Variants in BAIAP2 observed in about 807,000 individuals in gnomAD.
The protein encoded by BAIAP2 is BAR/IMD domain containing adaptor protein 2.
Under a neutral mutation model 63.0 loss-of-function variants are expected in BAIAP2, and 18 were observed. The ratio of observed to expected loss-of-function variants is 0.29; its 90% CI spans 0.20 to 0.42. BAIAP2 has a LOEUF of 0.42. Among genes scored for constraint, BAIAP2 ranks in the 10% least tolerant of loss-of-function variants. The pLI is 1.00. For missense variants in BAIAP2, 610 were observed against 734.3 expected, an observed-to-expected ratio of 0.83 and a Z score of 1.96; for synonymous variants, 386 against 307.6, an observed-to-expected ratio of 1.25 and a Z score of -2.67.
At position 81,068,673 on chromosome 17, in the gene BAIAP2, G is replaced by A. The variant is rs535639793; in HGVS notation, c.217+10706G>A. Among the ~76,000 whole-genome samples, 229 of 152,326 alleles carry A rather than the reference G, an allele frequency of 1.5e-3. 2 individuals carry two copies. Among genetic ancestry groups the A allele is most frequent in the African/African-American group, 5.3e-3 (219 of 41,592 alleles). ...TGTCCCCGCTTCCCTGCCCTGGGGA[G>A]GGTGCCCCCAAGCCTGGTACTGCAG... On this transcript the variant is annotated intron_variant, in intron 3 of 13. Coordinates refer to ENST00000428708, the MANE Select transcript of BAIAP2 (RefSeq NM_001144888.2).
In BAIAP2 at chr17:81,109,192, C is replaced by G. The variant is rs532395607; in HGVS notation, c.1535+683C>G. The stretch of plus-strand genomic sequence containing the variant: ...CATGGTGCTGCTCCATCCGCCCCCC[C>G]TCCCCTGTGTTTACGCGCCCCATCC... On this transcript the variant is annotated intron_variant, in intron 13 of 13. Coordinates refer to ENST00000428708, the MANE Select transcript of BAIAP2 (RefSeq NM_001144888.2). The G allele has an allele frequency of 6.4e-6, 9 of 1,407,132 alleles. No individual in the cohort carries two copies. In the Admixed American group the frequency reaches 1.3e-4, roughly 21 times the overall value. The allele number at this position is 1,407,132 out of a possible 1,614,324, so 87.2% of individuals were successfully genotyped here.
In BAIAP2 at chr17:81,099,943, A is replaced by G; in HGVS notation, c.505A>G (p.Ser169Gly). The G allele has an allele frequency of 1.2e-6, 2 of 1,613,328 alleles. No homozygotes were observed. The highest frequency in any genetic ancestry group is 1.7e-6 in the Non-Finnish European group (2 of 1,179,828). Residue 169 changes from serine to glycine, a missense_variant, in exon 7 of 14, where the codon AGC becomes GGC. Around this residue, in one of 5 missense-constraint regions of BAIAP2, gnomAD observed 389 missense variants for 455.6 expected, o/e 0.85. Coordinates refer to ENST00000428708, the MANE Select transcript of BAIAP2 (RefSeq NM_001144888.2). ...DKELQYIDAISNKQGELENYV... is the reference protein window; with the variant it reads ...DKELQYIDAIGNKQGELENYV... ...CCCTCCACAGTACATCGACGCCATCAGCAACAAGCAGGGCGAGCTGGAGAA... is the reference window on the plus strand; with the variant it reads ...CCCTCCACAGTACATCGACGCCATCGGCAACAAGCAGGGCGAGCTGGAGAA...
At chr17:81,106,273 C>A in intron 11 of BAIAP2, 127 bp downstream of exon 11, 3 of 988,784 alleles carry the variant, frequency 3.0e-6, no homozygotes, top group South Asian at 1.6e-5. Flanking sequence ...GCAGGGCCAT[C>A]CCCAGTGGCC....
At chr17:81,053,441 C>A (rs1027324802) in intron 1 of BAIAP2, 1 of 569,564 alleles carries the variant, frequency 1.8e-6, no homozygotes, top group Non-Finnish European at 3.1e-6. Context: ...TTTCTTCTTA[C>A]CCCCTTTGCA....
chr17:81,104,938 G>A, intron 10 of BAIAP2: 1 of 543,454 alleles, frequency 1.8e-6, no homozygotes, highest in Non-Finnish European at 3.3e-6. Flanking sequence ...CCACCTCCCT[G>A]CAGGGGTCTT....
intron 3 of BAIAP2, among the ~76,000 whole-genome samples, chr17:81,063,134 A>G (rs2050878130): frequency 6.6e-6 from 1 of 152,010 alleles, no homozygotes; most frequent in Non-Finnish European, 1.5e-5. Context: ...GAGAGGGGCA[A>G]AGGGTGTGTC....
Position 81,100,054 on chromosome 17 carries a change from A to C in BAIAP2, c.616A>C (p.Lys206Gln). 1 of 1,611,884 alleles carries C rather than the reference A, an allele frequency of 6.2e-7. No individual in the cohort carries two copies. Among genetic ancestry groups the C allele is most frequent in the Non-Finnish European group, 8.5e-7 (1 of 1,179,710 alleles). The change falls in exon 7 of 14, where the codon AAG (lysine) becomes CAG (glutamine). Residue 206 changes from lysine (K) to glutamine (Q), a missense_variant. Coordinates refer to ENST00000428708, the MANE Select transcript of BAIAP2 (RefSeq NM_001144888.2). ...GGTGGAGAAGCAGTGCGCCGTGGCC[A>C]AGAACTCCGCGGCCTACCACTCCAA... ...FLVEKQCAVA[K>Q]NSAAYHSKGK...
At chr17:81,078,311 C>T (rs1402502305) in intron 3 of BAIAP2, among the ~76,000 whole-genome samples, 1 of 139,216 alleles carries the variant, frequency 7.2e-6, no homozygotes, top group Non-Finnish European at 1.5e-5. Flanking sequence ...GCAGTGGGTG[C>T]GGGTGCCGTA....
rs865829858 is a variant in BAIAP2 at position 81,117,265 on chromosome 17, C to A, written c.*1426C>A. On this transcript the variant is annotated 3_prime_UTR_variant, in exon 14 of 14. Coordinates refer to ENST00000428708, the MANE Select transcript of BAIAP2 (RefSeq NM_001144888.2). ...CCCCTCCTGTCCAGGACTTTATCAT[C>A]GGCAGACCTCAGAAGACAACACACA... 20 of 152,344 alleles carry A rather than the reference C, an allele frequency of 1.3e-4. No individual in the cohort carries two copies. The highest frequency in any genetic ancestry group is 4.8e-4 in the African/African-American group (20 of 41,566). 9.4% of individuals were successfully genotyped at this position (152,344 alleles called of 1,614,324 possible). A position where few individuals can be genotyped will look rare whatever the true frequency, so the allele number is the denominator to read the frequency against.
At chr17:81,062,878 G>A (rs2050813642) in intron 3 of BAIAP2, among the ~76,000 whole-genome samples, 1 of 151,984 alleles carries the variant, frequency 6.6e-6, no homozygotes, top group South Asian at 2.1e-4. Context: ...TGTGTTCAGG[G>A]CCACCTTGGT....
chr17:81,055,339 G>A (rs541590553), intron 2 of BAIAP2, among the ~76,000 whole-genome samples: 1 of 152,126 alleles, frequency 6.6e-6, no homozygotes, highest in African/African-American at 2.4e-5. Context: ...CTAGTTGGGG[G>A]TGGCCTTCAT....
chr17:81,051,262 G>T (rs780673850), intron 1 of BAIAP2, among the ~76,000 whole-genome samples: 3 of 152,158 alleles, frequency 2.0e-5, no homozygotes, highest in Non-Finnish European at 2.9e-5. Context: ...TCAGAGGCCT[G>T]CGTAGCACAT....
At chr17:81,067,318 G>C (rs1408305036) in intron 3 of BAIAP2, among the ~76,000 whole-genome samples, 1 of 152,370 alleles carries the variant, frequency 6.6e-6, no homozygotes, top group African/African-American at 2.4e-5. Flanking sequence ...CCCACCGCCT[G>C]TTCGCAGAGG....
rs1568181577 is a variant in BAIAP2 at position 81,105,021 on chromosome 17, T to TCTCCCCCAATGGCAGGG, written c.1268+306_1268+307insCTCCCCCAATGGCAGGG. The TCTCCCCCAATGGCAGGG allele has an allele frequency of 1.4e-4, 28 of 205,986 alleles. 2 individuals carry two copies. The highest frequency in any genetic ancestry group is 6.1e-4 in the African/African-American group (25 of 40,778). The allele number at this position is 205,986 out of a possible 1,614,324, so 12.8% of individuals were successfully genotyped here. A position where few individuals can be genotyped will look rare whatever the true frequency, so the allele number is the denominator to read the frequency against. On this transcript the variant is annotated intron_variant, in intron 10 of 13. Transcript: ENST00000428708. ...GGCAGGGATCTCCCCCAATGGCAGG[T>TCTCCCCCAATGGCAGGG]ATCTCCCCCAATGGCAGGGGTCTTT... is the stretch of plus-strand genomic sequence containing the variant.
chr17:81,116,040 C>T lies in BAIAP2; in HGVS notation c.*201C>T, dbSNP rs563877883. 120 of 1,458,558 alleles carry T rather than the reference C, an allele frequency of 8.2e-5. No individual in the cohort carries two copies. Among genetic ancestry groups the T allele is most frequent in the African/African-American group, 2.7e-4 (19 of 70,858 alleles). The allele number at this position is 1,458,558 out of a possible 1,614,324, so 90.4% of individuals were successfully genotyped here. The stretch of plus-strand genomic sequence containing the variant: ...GAGTGGGGCGCAGGCCCCTGAAGGG[C>T]GAGACCCAGTGGCTGGGCTGCCCAG... On this transcript the variant is annotated 3_prime_UTR_variant, in exon 14 of 14. Coordinates refer to ENST00000428708, the MANE Select transcript of BAIAP2 (RefSeq NM_001144888.2).
intron 1 of BAIAP2, among the ~76,000 whole-genome samples, chr17:81,040,697 G>A (rs928096426): frequency 5.3e-5 from 8 of 152,254 alleles, no homozygotes; most frequent in East Asian, 3.8e-4. Context: ...CCGGGCGGTG[G>A]CCTGGGCCCT....
chr17:81,104,976 A>G (rs202146406), intron 10 of BAIAP2: 129 of 346,226 alleles, frequency 3.7e-4, no homozygotes, highest in South Asian at 7.6e-4. Flanking sequence ...TCCCCCCAAC[A>G]GCAGGGATCT....
chr17:81,061,067 T>A (rs371991471), intron 3 of BAIAP2, among the ~76,000 whole-genome samples: 1 of 152,180 alleles, frequency 6.6e-6, no homozygotes, highest in Non-Finnish European at 1.5e-5. Context: ...GAGGTTGCAG[T>A]GAGCCGAGAT....
chr17:81,091,195 C>CACCCT (rs1423739562), intron 6 of BAIAP2, among the ~76,000 whole-genome samples: 1 of 145,804 alleles, frequency 6.9e-6, no homozygotes. Context: ...GGCCCCACCC[C>CACCCT]ACCCCACCCC....
Sources: gnomAD v4.1 joint callset for allele counts (sites outside exome capture counted in the v4.1 genomes callset) on GRCh38, gnomAD v4.1.1 for gene constraint, gnomAD v4.1.1 regional missense constraint, MANE v1.5 for transcripts, NCBI Gene and HGNC (gene_info 2026-07-23, HGNC 2026-07-21) for gene names.